Variants in LATS2 observed in about 807,000 individuals in gnomAD.
LATS2 encodes serine/threonine-protein kinase LATS2.
In LATS2, 24 loss-of-function variants were observed where a neutral mutation model predicts 76.0. The ratio of observed to expected loss-of-function variants is 0.32; its 90% CI spans 0.23 to 0.44. The LOEUF (loss-of-function observed/expected upper bound fraction) is 0.44, where lower values mean the gene tolerates loss of function less well. Ranked by LOEUF, LATS2 falls within the 20% of genes least tolerant of loss-of-function variation. The probability of loss-of-function intolerance (pLI) is 1.00; values close to 1 mark genes in which losing one functional copy is unlikely to be tolerated. For missense variants in LATS2, 1,286 were observed against 1,481.2 expected, an observed-to-expected ratio of 0.87 and a Z score of 2.16; for synonymous variants, 692 against 635.4, an observed-to-expected ratio of 1.09 and a Z score of -1.34.
chr13:21,000,497 T>A (rs185933526), intron 2 of LATS2, among the ~76,000 whole-genome samples: 18 of 152,260 alleles, frequency 1.2e-4, no homozygotes, highest in African/African-American at 2.6e-4. Flanking sequence ...AAGTTTTTTT[T>A]ATCCCGATTT....
chr13:21,046,720 T>C (rs1366347748), intron 1 of LATS2, among the ~76,000 whole-genome samples: 1 of 152,122 alleles, frequency 6.6e-6, no homozygotes, highest in Non-Finnish European at 1.5e-5. Context: ...TTTCTGAACT[T>C]TTCCTTATAA....
intron 2 of LATS2, among the ~76,000 whole-genome samples, chr13:21,000,684 T>C (rs1319618806): frequency 2.0e-5 from 3 of 152,136 alleles, no homozygotes; most frequent in Non-Finnish European, 4.4e-5. Context: ...ATAATTAATA[T>C]AGTCCTTAGA....
At chr13:21,057,269 T>A (rs1454035463) in intron 1 of LATS2, among the ~76,000 whole-genome samples, 1 of 152,206 alleles carries the variant, frequency 6.6e-6, no homozygotes, top group Non-Finnish European at 1.5e-5. Context: ...AATATGGGAT[T>A]TTTTCATTTT....
At chr13:21,056,675 A>G (rs1873459097) in intron 1 of LATS2, among the ~76,000 whole-genome samples, 1 of 152,132 alleles carries the variant, frequency 6.6e-6, no homozygotes, top group Non-Finnish European at 1.5e-5. Context: ...CCAGCTAGGG[A>G]GTTAGAACAC....
intron 2 of LATS2, among the ~76,000 whole-genome samples, chr13:21,042,253 T>C (rs1872903027): frequency 6.6e-6 from 1 of 152,164 alleles, no homozygotes; most frequent in African/African-American, 2.4e-5. Context: ...TACCCTTGAG[T>C]CTTTTACTTT....
chr13:21,033,260 G>C (rs1284599112), intron 2 of LATS2, among the ~76,000 whole-genome samples: 4 of 152,076 alleles, frequency 2.6e-5, no homozygotes, highest in African/African-American at 9.7e-5. Flanking sequence ...GAAACAGGGA[G>C]GATGGGAGAG....
intron 2 of LATS2, among the ~76,000 whole-genome samples, chr13:21,042,391 ATTTTAC>A (rs1872907221): frequency 6.6e-6 from 1 of 152,170 alleles, no homozygotes; most frequent in Admixed American, 6.5e-5. Context: ...TTTAAAGTAA[ATTTTAC>A]TTTAATTAAA....
chr13:20,983,790 G>T lies in LATS2; in HGVS notation c.1916C>A (p.Ala639Asp). The change falls in exon 5 of 8, where the codon GCT becomes GAT. Residue 639 changes from alanine to aspartate, a missense_variant. Ala to Asp is a moderately radical substitution (Grantham distance 126). Transcript: ENST00000382592. Reference sequence around the variant, plus strand: ...GATCTTCCGCATCTGCTCCTGCTCAGCTTCACAGAGTCCAGCCTGTGTAGA... The same window carrying T: ...GATCTTCCGCATCTGCTCCTGCTCATCTTCACAGAGTCCAGCCTGTGTAGA... ...QEMAKAGLCE[A>D]EQEQMRKILY... The T allele has an allele frequency of 2.5e-6, 4 of 1,611,658 alleles. No individual in the cohort carries two copies. Among genetic ancestry groups the T allele is most frequent in the Non-Finnish European group, 2.5e-6 (3 of 1,179,632 alleles).
At chr13:21,000,987 C>T (rs946754792) in intron 2 of LATS2, among the ~76,000 whole-genome samples, 1 of 152,156 alleles carries the variant, frequency 6.6e-6, no homozygotes, top group Non-Finnish European at 1.5e-5. Flanking sequence ...GAGAGCATGA[C>T]AATAACATGC....
intron 2 of LATS2, among the ~76,000 whole-genome samples, chr13:21,040,953 T>A (rs983592737): frequency 6.6e-6 from 1 of 152,010 alleles, no homozygotes; most frequent in Admixed American, 6.6e-5. Context: ...CACATTCTAC[T>A]TCCCCCTTGA....
intron 2 of LATS2, among the ~76,000 whole-genome samples, chr13:21,018,896 T>A (rs969064510): frequency 2.0e-5 from 3 of 152,184 alleles, no homozygotes; most frequent in African/African-American, 7.2e-5. Flanking sequence ...TCCGCCTGCC[T>A]TGGCCTCCCC....
chr13:21,023,646 T>TAACAAAAAAAAA (rs1872164269), intron 2 of LATS2, among the ~76,000 whole-genome samples: 1 of 70,076 alleles, frequency 1.4e-5, no homozygotes, highest in African/African-American at 7.4e-5. Context: ...TGACTGGCTT[T>TAACAAAAAAAAA]AAAAAAAAAA....
rs531933508 is a variant in LATS2, at chr13:21,055,901, T to C, written c.-205+5445A>G. On this transcript the variant is annotated intron_variant, in intron 1 of 7. Transcript: ENST00000382592. ...AGAATCATAAACCACTATGTGGATG[T>C]ACCACACCAGCACTGTCAAGCCAGG... 3.2e-4 allele frequency among the ~76,000 whole-genome samples: 48 copies of C among 152,366 alleles called. No individual in the cohort carries two copies. The South Asian group carries it at 9.3e-3, about 30-fold the overall frequency.
intron 1 of LATS2, among the ~76,000 whole-genome samples, chr13:21,058,325 T>C (rs1873512114): frequency 6.6e-6 from 1 of 152,232 alleles, no homozygotes; most frequent in African/African-American, 2.4e-5. Context: ...GGTGTTGGTA[T>C]GGTTTTTCCA....
In LATS2 at chr13:20,988,196, C is replaced by T. The variant is rs368467707; in HGVS notation, c.1584G>A (p.Ser528=). The T allele has an allele frequency of 8.1e-6, 13 of 1,612,312 alleles. No homozygotes were observed. In the Admixed American group the frequency reaches 8.3e-5, roughly 10 times the overall value. The change falls in exon 4 of 8, where the codon TCG becomes TCA. Residue 528 remains serine, a synonymous_variant. Coordinates refer to ENST00000382592, the MANE Select transcript of LATS2 (RefSeq NM_014572.3). Reference sequence around the variant, plus strand: ...ACAGGCTGTCCAGGTCGTACTGCTCCGACTTGCTGCGCAGCAGCAGGTGCT... The same window carrying T: ...ACAGGCTGTCCAGGTCGTACTGCTCTGACTTGCTGCGCAGCAGCAGGTGCT... ...YPKHLLLRSK[S]EQYDLDSLCA...
At chr13:21,040,451 G>A (rs888037841) in intron 2 of LATS2, among the ~76,000 whole-genome samples, 12 of 152,060 alleles carry the variant, frequency 7.9e-5, no homozygotes, top group East Asian at 3.8e-4. Context: ...GGAACAGCTC[G>A]ATCCAGGTGG....
Position 21,045,674 on chromosome 13 carries a change from T to C in LATS2, c.342+11A>G, listed in dbSNP as rs1873043168. 1 of 1,607,066 alleles carries C rather than the reference T, an allele frequency of 6.2e-7. No homozygotes were observed. Among genetic ancestry groups the C allele is most frequent in the African/African-American group, 1.3e-5 (1 of 74,846 alleles). On this transcript the variant is annotated intron_variant, in intron 2 of 7. Transcript: ENST00000382592. ...GCCTCTGCACATGGCCCTGCAGAGGTCTGTACCCACCTGGTCGCATCCTGC... is the reference window on the plus strand; with the variant it reads ...GCCTCTGCACATGGCCCTGCAGAGGCCTGTACCCACCTGGTCGCATCCTGC...
At chr13:21,019,291 T>C (rs1279738837) in intron 2 of LATS2, among the ~76,000 whole-genome samples, 1 of 130,036 alleles carries the variant, frequency 7.7e-6, no homozygotes, top group African/African-American at 2.9e-5. Flanking sequence ...TATTCTCACT[T>C]GGATTTGTTA....
Position 20,974,675 on chromosome 13 carries a change from T to C in LATS2, c.*195A>G. The C allele has an allele frequency of 1.7e-6, 1 of 587,090 alleles. No homozygotes were observed. The highest frequency in any genetic ancestry group is 2.9e-6 in the Non-Finnish European group (1 of 340,034). The allele number at this position is 587,090 out of a possible 1,614,324, so 36.4% of individuals were successfully genotyped here. A position where few individuals can be genotyped will look rare whatever the true frequency, so the allele number is the denominator to read the frequency against. On this transcript the variant is annotated 3_prime_UTR_variant, in exon 8 of 8. Coordinates refer to ENST00000382592, the MANE Select transcript of LATS2 (RefSeq NM_014572.3). ...GCAGTGAAGGTCCTGAAAAGCCTATTGAAAGCGATGCTGAGTCCTGTTTTC... is the reference window on the plus strand; with the variant it reads ...GCAGTGAAGGTCCTGAAAAGCCTATCGAAAGCGATGCTGAGTCCTGTTTTC...
Sources: allele counts gnomAD v4.1 joint callset (sites outside exome capture counted in the v4.1 genomes callset), GRCh38; gene constraint gnomAD v4.1.1; transcripts MANE v1.5; gene names NCBI Gene and HGNC (gene_info 2026-07-23, HGNC 2026-07-21).